The following LURAP1L variants were observed in gnomAD, a reference collection of about 807,000 sequenced individuals.
LURAP1L encodes the protein leucine rich adaptor protein 1 like.
Under a neutral mutation model 13.8 loss-of-function variants are expected in LURAP1L, and 12 were observed. The ratio of observed to expected loss-of-function variants is 0.87; its 90% CI spans 0.56 to 1.41. The LOEUF is 1.41. LURAP1L is among the 40% of genes most tolerant of loss of function. The probability of loss-of-function intolerance (pLI) is 0.00; values close to 1 mark genes in which losing one functional copy is unlikely to be tolerated. For synonymous variants in LURAP1L, 139 were observed against 119.2 expected (o/e 1.17, Z -1.08); for missense variants, 375 against 292.9 (o/e 1.28, Z -2.04).
intron 1 of LURAP1L, among the ~76,000 whole-genome samples, chr9:12,808,008 CTT>C (rs1367041961): frequency 1.3e-5 from 2 of 152,106 alleles, no homozygotes; most frequent in Non-Finnish European, 2.9e-5. Flanking sequence ...ATTCTTCTCT[CTT>C]GTCTCTTATA....
At position 12,808,699 on chromosome 9, in the gene LURAP1L, T is replaced by G. The variant is rs80347430; in HGVS notation, c.313-12687T>G. On this transcript the variant is annotated intron_variant, in intron 1 of 1. Coordinates refer to ENST00000319264, the MANE Select transcript of LURAP1L (RefSeq NM_203403.2). ...AATATAATATGCCTAGATATAGGTT[T>G]TTTGGTATTTATCCTCCTAGATGTT... Among the ~76,000 whole-genome samples, 1,250 of 152,288 alleles carry G rather than the reference T, an allele frequency of 8.2e-3. 19 individuals carry two copies. Among genetic ancestry groups the G allele is most frequent in the African/African-American group, 0.029 (1,185 of 41,572 alleles).
chr9:12,820,390 C>T (rs963528182), intron 1 of LURAP1L, among the ~76,000 whole-genome samples: 5 of 151,438 alleles, frequency 3.3e-5, no homozygotes, highest in Non-Finnish European at 5.9e-5. Context: ...GTAGTCCCAG[C>T]TACTCGGGAG....
chr9:12,786,570 AT>A (rs1819357225), intron 1 of LURAP1L, among the ~76,000 whole-genome samples: 12 of 126,838 alleles, frequency 9.5e-5, no homozygotes, highest in South Asian at 5.7e-4. Context: ...ATATATATAT[AT>A]ATATATATAT....
intron 1 of LURAP1L, chr9:12,814,197 C>G (rs1382140778): frequency 6.6e-6 from 1 of 152,152 alleles, no homozygotes; most frequent in Admixed American, 6.5e-5. Context: ...GTGGCCACTA[C>G]AGATCACGGA....
At chr9:12,817,343 G>A (rs1218781174) in intron 1 of LURAP1L, among the ~76,000 whole-genome samples, 1 of 152,106 alleles carries the variant, frequency 6.6e-6, no homozygotes, top group African/African-American at 2.4e-5. Flanking sequence ...GCACCTACTT[G>A]TGTGAGATAC....
intron 1 of LURAP1L, 26 bp from the exon 2 acceptor site, chr9:12,821,360 T>A (rs1356292291): frequency 6.3e-7 from 1 of 1,593,182 alleles, no homozygotes; most frequent in South Asian, 1.1e-5. Context: ...ATGGCTGGAA[T>A]ATCTTTCTTC....
chr9:12,775,984 T>C lies in LURAP1L; in HGVS notation c.269T>C (p.Leu90Pro), dbSNP rs755731741. The change falls in exon 1 of 2, where the codon CTG (leucine) becomes CCG (proline). Residue 90 changes from leucine (L) to proline (P), a missense_variant. Leu to Pro is a moderately conservative substitution (Grantham distance 98). Coordinates refer to ENST00000319264, the MANE Select transcript of LURAP1L (RefSeq NM_203403.2). Reference sequence around the variant, plus strand: ...CCACGAGGTAGCCACTCTAGCGCCCTGGAGAGGCTAGAAACCAAGCTTCAC... The same window carrying C: ...CCACGAGGTAGCCACTCTAGCGCCCCGGAGAGGCTAGAAACCAAGCTTCAC... ...GSPRGSHSSA[L>P]ERLETKLHLL... 6.2e-7 allele frequency: 1 copy of C among 1,608,586 alleles called. No individual in the cohort carries two copies. The highest frequency in any genetic ancestry group is 2.2e-5 in the East Asian group (1 of 44,536).
intron 1 of LURAP1L, among the ~76,000 whole-genome samples, chr9:12,793,254 G>A (rs914213786): frequency 2.6e-5 from 4 of 151,840 alleles, no homozygotes; most frequent in African/African-American, 9.7e-5. Context: ...CTGCTTCAGG[G>A]CAATCTTATA....
intron 1 of LURAP1L, among the ~76,000 whole-genome samples, chr9:12,804,950 A>C (rs1183221967): frequency 1.3e-5 from 2 of 152,150 alleles, no homozygotes; most frequent in African/African-American, 4.8e-5. Context: ...TCATTCATTT[A>C]CCGTGACCAC....
intron 1 of LURAP1L, among the ~76,000 whole-genome samples, chr9:12,779,580 A>C (rs899024277): frequency 6.6e-6 from 1 of 152,064 alleles, no homozygotes; most frequent in African/African-American, 2.4e-5. Flanking sequence ...GAAACTTTAT[A>C]ATCTTTTAAC....
chr9:12,782,566 G>C (rs1310241537), intron 1 of LURAP1L, among the ~76,000 whole-genome samples: 1 of 152,076 alleles, frequency 6.6e-6, no homozygotes, highest in Non-Finnish European at 1.5e-5. Flanking sequence ...GAATTTGTTT[G>C]TCAGTTCTCC....
At chr9:12,779,266 C>CTTTTTTTTTT (rs71329885) in intron 1 of LURAP1L, among the ~76,000 whole-genome samples, 1 of 90,258 alleles carries the variant, frequency 1.1e-5, no homozygotes. Context: ...ATCTTATAAT[C>CTTTTTTTTTT]TTTTTTTTTT....
rs1032535566 is a variant in LURAP1L at position 12,795,124 on chromosome 9, T to C, written c.312+19097T>C. Among the ~76,000 whole-genome samples, 7 of 152,120 alleles carry C rather than the reference T, an allele frequency of 4.6e-5. No homozygotes were observed. In the South Asian group the frequency reaches 1.0e-3, roughly 23 times the overall value. ...ATCAATTTACAACCCAAGCCCCATCTCAGTTTCTCAGACTTGCCCTGTGCA... is the reference window on the plus strand; with the variant it reads ...ATCAATTTACAACCCAAGCCCCATCCCAGTTTCTCAGACTTGCCCTGTGCA... On this transcript the variant is annotated intron_variant, in intron 1 of 1. Coordinates refer to ENST00000319264, the MANE Select transcript of LURAP1L (RefSeq NM_203403.2).
At chr9:12,803,399 G>A (rs569048961) in intron 1 of LURAP1L, among the ~76,000 whole-genome samples, 3 of 152,304 alleles carry the variant, frequency 2.0e-5, no homozygotes, top group African/African-American at 7.2e-5. Flanking sequence ...GTTACTGGTG[G>A]AACCAAGACT....
chr9:12,796,436 A>G (rs893660125), intron 1 of LURAP1L, among the ~76,000 whole-genome samples: 1 of 151,966 alleles, frequency 6.6e-6, no homozygotes, highest in African/African-American at 2.4e-5. Context: ...TTTGCTTAAC[A>G]TTGTGTTATA....
chr9:12,794,378 G>T (rs1039360202), intron 1 of LURAP1L, among the ~76,000 whole-genome samples: 1 of 152,038 alleles, frequency 6.6e-6, no homozygotes, highest in South Asian at 2.1e-4. Context: ...ATATCATTAA[G>T]TTGATTTTGT....
intron 1 of LURAP1L, among the ~76,000 whole-genome samples, chr9:12,789,493 G>A (rs776697786): frequency 7.2e-5 from 11 of 152,012 alleles, no homozygotes; most frequent in Non-Finnish European, 1.6e-4. Context: ...GGTATTGAGC[G>A]CCCCTACACA....
At chr9:12,787,933 G>A (rs1819380437) in intron 1 of LURAP1L, among the ~76,000 whole-genome samples, 2 of 152,030 alleles carry the variant, frequency 1.3e-5, no homozygotes, top group South Asian at 4.2e-4. Context: ...CCAACATGGT[G>A]AAACCCCGTC....
Position 12,775,820 on chromosome 9 carries a change from C to CAGGGAA in LURAP1L, c.111_116dup (p.Glu37_Arg38dup), listed in dbSNP as rs770473914. ...CTCTCCGTGGGGAGGAGCCGGTTCCCAGGGAAAGGGACAGGGACCCCTGCG... is the reference window on the plus strand; with the variant it reads ...CTCTCCGTGGGGAGGAGCCGGTTCCCAGGGAAAGGGAAAGGGACAGGGACCCCTGCG... On this transcript the variant is annotated inframe_insertion, in exon 1 of 2. Transcript: ENST00000319264. 2.4e-5 allele frequency: 38 copies of CAGGGAA among 1,605,352 alleles called. 1 individual carries two copies. The highest frequency in any genetic ancestry group is 3.2e-5 in the Non-Finnish European group (38 of 1,177,138).
Sources: gnomAD v4.1 joint callset for allele counts (sites outside exome capture counted in the v4.1 genomes callset) on GRCh38, gnomAD v4.1.1 for gene constraint, MANE v1.5 for transcripts, NCBI Gene and HGNC (gene_info 2026-07-23, HGNC 2026-07-21) for gene names.